Variants in CSMD2 observed in about 807,000 individuals in gnomAD.
CSMD2 encodes CUB and Sushi multiple domains 2.
In CSMD2, 130 loss-of-function variants were observed where a neutral mutation model predicts 398.5. The ratio of observed to expected loss-of-function variants is 0.33; its 90% CI spans 0.28 to 0.38. The LOEUF is 0.38. Among genes scored for constraint, CSMD2 ranks in the 10% least tolerant of loss-of-function variants. CSMD2 has a pLI of 1.00. For missense variants in CSMD2, 3,829 were observed against 4,764.9 expected (o/e 0.80, Z 5.78); for synonymous variants, 1,828 against 1,908.5 (o/e 0.96, Z 1.10).
chr1:33,948,851 CTGGCTCAGTCTGT>C (rs1644918212), intron 3 of CSMD2, among the ~76,000 whole-genome samples: 1 of 152,180 alleles, frequency 6.6e-6, no homozygotes, highest in Non-Finnish European at 1.5e-5. Context: ...CAAGCATCTG[CTGGCTCAGTCTGT>C]GATTTCAGAG....
Position 34,108,509 on chromosome 1 carries a change from T to A in CSMD2, c.188-19316A>T, listed in dbSNP as rs115145069. On this transcript the variant is annotated intron_variant, in intron 1 of 70. Transcript: ENST00000373381. Reference sequence around the variant, plus strand: ...TGCCTGACTGGAGCAAGAGTAGCCCTGTCCATGGTCCGGAACCGTAAATGT... The same window carrying A: ...TGCCTGACTGGAGCAAGAGTAGCCCAGTCCATGGTCCGGAACCGTAAATGT... Among the ~76,000 whole-genome samples the A allele has an allele frequency of 9.7e-3, 1,479 of 152,336 alleles. 22 individuals are homozygous for A. The highest frequency in any genetic ancestry group is 0.034 in the African/African-American group (1,422 of 41,580).
chr1:34,150,562 G>C (rs1640210557), intron 1 of CSMD2, among the ~76,000 whole-genome samples: 1 of 152,114 alleles, frequency 6.6e-6, no homozygotes, highest in East Asian at 1.9e-4. Context: ...TAGGAGTTTT[G>C]TAAGGGGTAA....
rs758746173 is a variant in CSMD2 at position 33,537,055 on chromosome 1, C to G, written c.9846G>C (p.Gln3282His). The G allele has an allele frequency of 6.2e-7, 1 of 1,614,094 alleles. No homozygotes were observed. ...LTTCADPGVPQFGIQNNSQGY... is the reference protein window; with the variant it reads ...LTTCADPGVPHFGIQNNSQGY... ...CCTGAGAATTGTTCTGTATCCCAAA[C>G]TGTGGCACACCAGGGTCCGCACACG... The change falls in exon 62 of 71, where the codon CAG becomes CAC. Residue 3282 changes from glutamine (Q) to histidine (H), a missense_variant. Transcript: ENST00000373381. This position sits in a 1 kb window ranked among gnomAD's most constrained non-coding sequence, Gnocchi z 4.6.
chr1:33,768,450 A>C (rs1259748649), intron 13 of CSMD2, among the ~76,000 whole-genome samples: 1 of 152,146 alleles, frequency 6.6e-6, no homozygotes, highest in African/African-American at 2.4e-5. Context: ...TAAGTTTGAG[A>C]AACTCTACTC....
chr1:33,708,081 C>T (rs1012709458), intron 22 of CSMD2, among the ~76,000 whole-genome samples: 1 of 152,228 alleles, frequency 6.6e-6, no homozygotes, highest in African/African-American at 2.4e-5. Flanking sequence ...TGTGATTACA[C>T]AGACATACAC....
At chr1:33,622,415 G>T in intron 36 of CSMD2, 144 bp from the exon 37 acceptor site, 1 of 646,034 alleles carries the variant, frequency 1.5e-6, no homozygotes, top group South Asian at 1.8e-5. Context: ...CTCACTAAAT[G>T]ACAAATTAGC....
intron 15 of CSMD2, among the ~76,000 whole-genome samples, chr1:33,737,924 C>T (rs1646936058): frequency 6.6e-6 from 1 of 151,940 alleles, no homozygotes; most frequent in Non-Finnish European, 1.5e-5. Context: ...ATTATCCCTC[C>T]TTTTTTTTCC....
intron 5 of CSMD2, among the ~76,000 whole-genome samples, chr1:33,867,338 C>T (rs1323773588): frequency 1.3e-5 from 2 of 152,194 alleles, no homozygotes; most frequent in Non-Finnish European, 2.9e-5. Context: ...AATATTGCAG[C>T]AGCCACACAA....
At chr1:33,613,857 CA>C (rs1160988223) in intron 40 of CSMD2, among the ~76,000 whole-genome samples, 1 of 152,154 alleles carries the variant, frequency 6.6e-6, no homozygotes, top group Non-Finnish European at 1.5e-5. Context: ...ATATGTGGAT[CA>C]CCAGCAATTA....
At chr1:33,561,144 A>G (rs769509378) in intron 53 of CSMD2, among the ~76,000 whole-genome samples, 10 of 152,220 alleles carry the variant, frequency 6.6e-5, no homozygotes, top group South Asian at 2.1e-4. Flanking sequence ...GTGTAAGAAG[A>G]GGAAGCACCC....
At chr1:34,041,385 C>T (rs57418072) in intron 2 of CSMD2, among the ~76,000 whole-genome samples, 4,016 of 152,238 alleles carry the variant, frequency 0.026, 168 homozygotes, top group African/African-American at 0.088. Flanking sequence ...GGGAGAATCC[C>T]AACAGTGGCT....
At position 33,590,464 on chromosome 1, in the gene CSMD2, C is replaced by T. The variant is rs146150428; in HGVS notation, c.6857-3296G>A. ...TAAAATTACAAATTTCTGTTTAATG[C>T]GGGAAGCTCATGGGATACTAAAAAG... is the stretch of plus-strand genomic sequence containing the variant. On this transcript the variant is annotated intron_variant, in intron 44 of 70. Transcript: ENST00000373381. 5.9e-3 allele frequency among the ~76,000 whole-genome samples: 893 copies of T among 151,624 alleles called. 11 individuals carry two copies. Among genetic ancestry groups the T allele is most frequent in the African/African-American group, 0.02 (836 of 41,302 alleles).
chr1:33,807,657 G>A (rs1202648469), intron 10 of CSMD2, among the ~76,000 whole-genome samples: 1 of 152,124 alleles, frequency 6.6e-6, no homozygotes, highest in Non-Finnish European at 1.5e-5. Context: ...GTATGAATTG[G>A]AAGGAATGAT....
intron 7 of CSMD2, among the ~76,000 whole-genome samples, chr1:33,825,385 G>A (rs1658677151): frequency 6.6e-6 from 1 of 152,224 alleles, no homozygotes; most frequent in Non-Finnish European, 1.5e-5. Context: ...CTTAGCAGGT[G>A]GAAGTGATTC....
Position 34,038,942 on chromosome 1 carries a change from C to T in CSMD2, c.405-6236G>A, listed in dbSNP as rs565600270. Among the ~76,000 whole-genome samples, 6 of 152,344 alleles carry T rather than the reference C, an allele frequency of 3.9e-5. No individual in the cohort carries two copies. In the South Asian group the frequency reaches 8.3e-4, roughly 21 times the overall value. On this transcript the variant is annotated intron_variant, in intron 2 of 70. Transcript: ENST00000373381. The stretch of plus-strand genomic sequence containing the variant: ...GTTTCAGTTCCTTCAATTTGCCATG[C>T]CCCATCTTCAGGGTCTTTGCACGCA...
chr1:33,994,831 C>T (rs952924178), intron 3 of CSMD2, among the ~76,000 whole-genome samples: 139 of 152,018 alleles, frequency 9.1e-4, no homozygotes, highest in Non-Finnish European at 1.7e-3. Context: ...TTTGGGAGGC[C>T]GAGTTGGGTG....
At chr1:33,833,264 C>T (rs1194274526) in intron 6 of CSMD2, among the ~76,000 whole-genome samples, 2 of 93,078 alleles carry the variant, frequency 2.1e-5, no homozygotes, top group Non-Finnish European at 3.9e-5. Context: ...AAAATACTGG[C>T]AAACAGAATC....
chr1:33,872,501 C>A (rs1464646548), intron 5 of CSMD2, among the ~76,000 whole-genome samples: 1 of 152,062 alleles, frequency 6.6e-6, no homozygotes, highest in African/African-American at 2.4e-5. Context: ...CCTCATAGAT[C>A]CTCCAGATCA....
chr1:33,989,781 A>AT (rs139173578), intron 3 of CSMD2, among the ~76,000 whole-genome samples: 2,173 of 152,304 alleles, frequency 0.014, 51 homozygotes, highest in African/African-American at 0.049. Context: ...GTGAAACTCT[A>AT]GGAAAGACAA....
Sources: allele counts gnomAD v4.1 joint callset (sites outside exome capture counted in the v4.1 genomes callset), GRCh38; gene constraint gnomAD v4.1.1; non-coding constraint Gnocchi (gnomAD v3.1); transcripts MANE v1.5; gene names NCBI Gene and HGNC (gene_info 2026-07-23, HGNC 2026-07-21).